The following PPP2R3A variants were observed in gnomAD, a reference collection of about 807,000 sequenced individuals.
PPP2R3A encodes the protein protein phosphatase 2 regulatory subunit B''alpha, also known as serine/threonine-protein phosphatase 2A regulatory subunit B'' subunit alpha.
A neutral mutation model predicts 106.9 loss-of-function variants in PPP2R3A; 80 were observed. The observed-to-expected ratio is 0.75, with a 90% CI of 0.62 to 0.90. The LOEUF is 0.90. Ranked by LOEUF, PPP2R3A falls within the 40% of genes least tolerant of loss-of-function variation. The pLI, the probability that PPP2R3A is intolerant of heterozygous loss-of-function variation, is 0.00. For synonymous variants in PPP2R3A, 483 were observed against 468.3 expected (o/e 1.03, Z -0.41); for missense variants, 1,386 against 1,350.4 (o/e 1.03, Z -0.41).
Position 136,144,530 on chromosome 3 carries a change from G to A in PPP2R3A, c.3330-513G>A, listed in dbSNP as rs151210382. Reference sequence around the variant, plus strand: ...ACAAAACTTAGCCAGGTGTGGTGGCGCATGCATGTAGTCCCAGCTACTGAG... The same window carrying A: ...ACAAAACTTAGCCAGGTGTGGTGGCACATGCATGTAGTCCCAGCTACTGAG... On this transcript the variant is annotated intron_variant, in intron 13 of 13. Coordinates refer to ENST00000264977, the MANE Select transcript of PPP2R3A (RefSeq NM_002718.5). Among the ~76,000 whole-genome samples, 610 of 152,108 alleles carry A rather than the reference G, an allele frequency of 4.0e-3. 5 individuals are homozygous for A. Among genetic ancestry groups the A allele is most frequent in the African/African-American group, 0.012 (494 of 41,492 alleles).
intron 4 of PPP2R3A, among the ~76,000 whole-genome samples, chr3:136,047,600 T>C (rs2107858886): frequency 6.6e-6 from 1 of 152,242 alleles, no homozygotes; most frequent in East Asian, 1.9e-4. Flanking sequence ...CAAGTACACA[T>C]GGACATAAAG....
In PPP2R3A at chr3:136,013,180, GTGTATGTATGTATGTA is replaced by G. The variant is rs201268370; in HGVS notation, c.1995+9721_1995+9736del. ...ATGGTGTGTGTGTGTGTGTGTGTGT[GTGTATGTATGTATGTA>G]TGTATGTATGTATGTATGTATGTAT... On this transcript the variant is annotated intron_variant, in intron 2 of 13. Transcript: ENST00000264977. Among the ~76,000 whole-genome samples, 18 of 142,166 alleles carry G rather than the reference GTGTATGTATGTATGTA, an allele frequency of 1.3e-4. No homozygotes were observed. In the South Asian group the frequency reaches 1.8e-3, roughly 15 times the overall value. The allele number at this position is 142,166 out of a possible 152,430, so 93.3% of individuals were successfully genotyped here.
chr3:136,013,915 A>G (rs1181080240), intron 2 of PPP2R3A, among the ~76,000 whole-genome samples: 2 of 152,114 alleles, frequency 1.3e-5, no homozygotes, highest in African/African-American at 4.8e-5. Flanking sequence ...GTCTTCACCT[A>G]AGCCGATGTC....
At chr3:135,965,874 C>A (rs1300815802) in intron 1 of PPP2R3A, 25 bp downstream of exon 1, 6 of 151,212 alleles carry the variant, frequency 4.0e-5, no homozygotes, top group African/African-American at 4.9e-5. Context: ...ACTGGCCGCA[C>A]GGCCTGGAGC....
intron 2 of PPP2R3A, among the ~76,000 whole-genome samples, chr3:136,012,070 T>C (rs35532770): frequency 0.37 from 56,215 of 151,890 alleles, 11,995 homozygotes; most frequent in African/African-American, 0.6. Flanking sequence ...TCACCAGGCA[T>C]TTATTTAACA....
rs950542881 is a variant in PPP2R3A at position 136,106,949 on chromosome 3, A to C, written c.3329+627A>C. ...TCCAAAAAAAAAAAAAAAAAAAAAA[A>C]AAAAACTAAAGCTCCTTCAATAATA... On this transcript the variant is annotated intron_variant, in intron 13 of 13. Transcript: ENST00000264977. 1.3e-4 allele frequency: 19 copies of C among 147,544 alleles called. No individual in the cohort carries two copies. In the East Asian group the frequency reaches 2.1e-3, roughly 17 times the overall value. The allele number at this position is 147,544 out of a possible 1,614,324, so 9.1% of individuals were successfully genotyped here.
intron 10 of PPP2R3A, among the ~76,000 whole-genome samples, chr3:136,101,617 G>T (rs1018105752): frequency 1.5e-4 from 23 of 152,060 alleles, no homozygotes; most frequent in Non-Finnish European, 3.2e-4. Flanking sequence ...GTAGAGATAG[G>T]GTTTCACCAT....
chr3:136,007,620 A>G (rs1280321396), intron 2 of PPP2R3A, among the ~76,000 whole-genome samples: 1 of 152,224 alleles, frequency 6.6e-6, no homozygotes, highest in Admixed American at 6.5e-5. Context: ...ATCCCTCGAT[A>G]ATATGCTGTA....
chr3:136,145,040 C>T lies in PPP2R3A; in HGVS notation c.3330-3C>T. The T allele has an allele frequency of 6.2e-7, 1 of 1,605,206 alleles. No individual in the cohort carries two copies. Among genetic ancestry groups the T allele is most frequent in the South Asian group, 1.1e-5 (1 of 89,170 alleles). Reference sequence around the variant, plus strand: ...TTAATTCACTTTTGCTTTGTTATTTCAGCTTTGAAGATTATGAAACAGATG... The same window carrying T: ...TTAATTCACTTTTGCTTTGTTATTTTAGCTTTGAAGATTATGAAACAGATG... On this transcript the variant is annotated splice_polypyrimidine_tract_variant and splice_region_variant and intron_variant, in intron 13 of 13. Transcript: ENST00000264977.
chr3:136,051,415 C>T (rs778685379), intron 5 of PPP2R3A, among the ~76,000 whole-genome samples: 8 of 152,162 alleles, frequency 5.3e-5, no homozygotes, highest in Admixed American at 1.3e-4. Flanking sequence ...CTGCAGCCTC[C>T]GCCTCCTGGG....
chr3:135,979,898 T>C (rs1937515661), intron 1 of PPP2R3A, among the ~76,000 whole-genome samples: 1 of 151,882 alleles, frequency 6.6e-6, no homozygotes, highest in East Asian at 1.9e-4. Context: ...TGATTGGTTT[T>C]AAGGAATAAA....
rs754296513 is a variant in PPP2R3A, at chr3:136,049,305, C to T, written c.2413C>T (p.Leu805=). 2.5e-6 allele frequency: 4 copies of T among 1,613,826 alleles called. No homozygotes were observed. In the East Asian group the frequency reaches 8.9e-5, roughly 36 times the overall value. Residue 805 remains leucine (L), a synonymous_variant, in exon 5 of 14, where the codon CTA becomes TTA. Coordinates refer to ENST00000264977, the MANE Select transcript of PPP2R3A (RefSeq NM_002718.5). Reference sequence around the variant, plus strand: ...TGATGCCTCTAAATTCATCTGTCTTCTAGCAAAGCCCAACTGCAGCTCTCT... The same window carrying T: ...TGATGCCTCTAAATTCATCTGTCTTTTAGCAAAGCCCAACTGCAGCTCTCT... The part of the protein sequence containing the change: ...HDDASKFICL[L]AKPNCSSLEQ...
intron 3 of PPP2R3A, 94 bp from the exon 4 acceptor site, chr3:136,040,765 G>C: frequency 9.9e-7 from 1 of 1,008,522 alleles, no homozygotes. Context: ...CATCCACTGT[G>C]GCATGAAGGG....
chr3:135,969,496 G>T (rs1348133635), intron 1 of PPP2R3A, among the ~76,000 whole-genome samples: 1 of 152,190 alleles, frequency 6.6e-6, no homozygotes, highest in Non-Finnish European at 1.5e-5. Flanking sequence ...ATAGTTTTGA[G>T]ATGAGTTTAA....
At chr3:136,041,238 G>GTTTTT (rs67116006) in intron 4 of PPP2R3A, among the ~76,000 whole-genome samples, 42 of 92,856 alleles carry the variant, frequency 4.5e-4, no homozygotes, top group African/African-American at 8.6e-4. Context: ...GGTTTTTCTT[G>GTTTTT]TTTTTTTTTT....
chr3:136,050,010 A>G (rs1935627287), intron 5 of PPP2R3A, among the ~76,000 whole-genome samples: 1 of 152,226 alleles, frequency 6.6e-6, no homozygotes, highest in Admixed American at 6.5e-5. Flanking sequence ...ACTAAGAGAA[A>G]AAAAAGACCC....
intron 1 of PPP2R3A, among the ~76,000 whole-genome samples, chr3:135,978,175 A>G (rs1240175940): frequency 6.6e-6 from 1 of 152,226 alleles, no homozygotes; most frequent in Non-Finnish European, 1.5e-5. Flanking sequence ...TCAGCCAAGC[A>G]TGCCTTATAT....
At chr3:135,999,115 C>G (rs980852892) in intron 1 of PPP2R3A, among the ~76,000 whole-genome samples, 1 of 152,082 alleles carries the variant, frequency 6.6e-6, no homozygotes, top group Non-Finnish European at 1.5e-5. Flanking sequence ...CATCATTCTC[C>G]CAGGGTCAGG....
intron 1 of PPP2R3A, among the ~76,000 whole-genome samples, chr3:135,977,725 A>T (rs1012480114): frequency 9.3e-6 from 1 of 108,068 alleles, no homozygotes; most frequent in African/African-American, 3.8e-5. Flanking sequence ...TTGAGATAAG[A>T]GTCTCACTGT....
Sources: gnomAD v4.1 joint callset for allele counts (sites outside exome capture counted in the v4.1 genomes callset) on GRCh38, gnomAD v4.1.1 for gene constraint, MANE v1.5 for transcripts, NCBI Gene and HGNC (gene_info 2026-07-23, HGNC 2026-07-21) for gene names.